Variants in BBOF1 observed in about 807,000 individuals in gnomAD.
BBOF1 encodes the protein basal body orientation factor 1.
Under a neutral mutation model 68.0 loss-of-function variants are expected in BBOF1, and 62 were observed. The observed-to-expected ratio is 0.91, with a 90% confidence interval of 0.74 to 1.13. The LOEUF is 1.13. BBOF1 is among the 50% of genes most tolerant of loss of function. BBOF1 has a pLI of 0.00. For synonymous variants in BBOF1, 208 were observed against 198.8 expected, an observed-to-expected ratio of 1.05 and a Z score of -0.39; for missense variants, 534 against 600.1, an observed-to-expected ratio of 0.89 and a Z score of 1.15.
At chr14:74,049,665 A>AC (rs1566811482) in intron 7 of BBOF1, 37 bp from the exon 8 acceptor site, 1 of 1,502,588 alleles carries the variant, frequency 6.7e-7, no homozygotes, top group Non-Finnish European at 8.9e-7. Flanking sequence ...CCATCTCAAA[A>AC]GAAAAAAAAA....
In BBOF1 at chr14:74,057,231, T is replaced by C. The variant is rs1476086398; in HGVS notation, c.1551T>C (p.Ile517=). 21 of 1,614,022 alleles carry C rather than the reference T, an allele frequency of 1.3e-5. No individual in the cohort carries two copies. The highest frequency in any genetic ancestry group is 1.7e-5 in the Non-Finnish European group (20 of 1,180,000). The change falls in exon 11 of 12, where the codon ATT becomes ATC. Residue 517 remains isoleucine, a synonymous_variant. Transcript: ENST00000394009. ...DSSGEVVLPT[I]PKEPQESDTG... ...CTGGTGAAGTGGTGCTACCCACTAT[T>C]CCAAAAGAACCTCAGGAGTCTGACA... is the stretch of plus-strand genomic sequence containing the variant.
chr14:74,077,018 G>C (rs1029859858), intron 9 of BBOF1, among the ~76,000 whole-genome samples: 1 of 152,210 alleles, frequency 6.6e-6, no homozygotes, highest in Non-Finnish European at 1.5e-5. Flanking sequence ...AAGGGTGCCT[G>C]CAGCACTGCC....
intron 3 of BBOF1, among the ~76,000 whole-genome samples, chr14:74,029,466 G>GAGGTCAGGA (rs985371450): frequency 1.8e-4 from 27 of 152,204 alleles, no homozygotes; most frequent in African/African-American, 6.5e-4. Context: ...CGGATCACCT[G>GAGGTCAGGA]AGGTCAGGAG....
At chr14:74,067,059 T>TA (rs1192349131), downstream of BBOF1, among the ~76,000 whole-genome samples, 2 of 151,752 alleles carry the variant, frequency 1.3e-5, no homozygotes, top group African/African-American at 2.4e-5. Context: ...TTACAAAAAA[T>TA]AAAAAAATTA....
chr14:74,053,205 C>T (rs1446866993), intron 8 of BBOF1, among the ~76,000 whole-genome samples: 3 of 151,560 alleles, frequency 2.0e-5, no homozygotes, highest in African/African-American at 7.3e-5. Context: ...CTCTGACTTC[C>T]GGGTTCAAGC....
At chr14:74,072,443 T>C (rs2060563338) in intron 9 of BBOF1, 1 of 1,613,330 alleles carries the variant, frequency 6.2e-7, no homozygotes, top group African/African-American at 1.3e-5. Flanking sequence ...AGTGGCACTA[T>C]GTGCTTTACA....
chr14:74,037,909 C>A (rs1358807231), intron 4 of BBOF1, among the ~76,000 whole-genome samples: 1 of 150,794 alleles, frequency 6.6e-6, no homozygotes, highest in Non-Finnish European at 1.5e-5. Context: ...GAGCTGAGAT[C>A]GTGCCATTGC....
chr14:74,050,387 G>A lies in BBOF1; in HGVS notation c.1286+192G>A, dbSNP rs190162090. On this transcript the variant is annotated intron_variant, in intron 8 of 11. Transcript: ENST00000394009. ...TAGCATAGCATGTGGGGCTTTGGACGTATTCTTAGTATATTCCCCTCTGTC... is the reference window on the plus strand; with the variant it reads ...TAGCATAGCATGTGGGGCTTTGGACATATTCTTAGTATATTCCCCTCTGTC... Among the ~76,000 whole-genome samples, 212 of 152,214 alleles carry A rather than the reference G, an allele frequency of 1.4e-3. 1 individual carries two copies. Among genetic ancestry groups the A allele is most frequent in the African/African-American group, 4.8e-3 (201 of 41,532 alleles).
At chr14:74,052,070 C>G (rs575434391) in intron 8 of BBOF1, among the ~76,000 whole-genome samples, 1 of 151,932 alleles carries the variant, frequency 6.6e-6, no homozygotes, top group Admixed American at 6.5e-5. Flanking sequence ...AATACTACTA[C>G]TGTTACCAAG....
At chr14:74,026,444 CAAAAAA>C (rs1166375665) in intron 2 of BBOF1, among the ~76,000 whole-genome samples, 23 of 33,080 alleles carry the variant, frequency 7.0e-4, no homozygotes, top group African/African-American at 2.1e-3. Flanking sequence ...AACTCCATCT[CAAAAAA>C]AAAAAAAAAA....
intron 2 of BBOF1, among the ~76,000 whole-genome samples, chr14:74,027,587 A>G (rs1254285672): frequency 6.6e-6 from 1 of 152,022 alleles, no homozygotes; most frequent in Admixed American, 6.6e-5. Context: ...ACCACAAATT[A>G]CTTAATAATC....
At chr14:74,066,620 T>A (rs2060470422), downstream of BBOF1, 1 of 1,328,372 alleles carries the variant, frequency 7.5e-7, no homozygotes, top group Admixed American at 1.7e-5. Context: ...TCATTAAGTA[T>A]TTTCATTAAT....
intron 9 of BBOF1, among the ~76,000 whole-genome samples, chr14:74,077,963 C>T (rs1043230514): frequency 1.1e-4 from 17 of 152,106 alleles, no homozygotes; most frequent in African/African-American, 3.1e-4. Context: ...TTGTAAATAA[C>T]GGCACGGTGA....
At chr14:74,082,407 T>TG (rs2060678502) in intron 12 of BBOF1, among the ~76,000 whole-genome samples, 1 of 141,476 alleles carries the variant, frequency 7.1e-6, no homozygotes, top group Non-Finnish European at 1.5e-5. Flanking sequence ...TTTTTTTTTT[T>TG]TTTTTTTTTT....
In BBOF1 at chr14:74,057,123, G is replaced by C. The variant is rs749097857; in HGVS notation, c.1464-21G>C. ...TGTGTGTAGAGTTGTTGACGGTTCT[G>C]TTATTTTGTCATTATTGCAGGGATG... On this transcript the variant is annotated intron_variant, in intron 10 of 11. Coordinates refer to ENST00000394009, the MANE Select transcript of BBOF1 (RefSeq NM_025057.3). 1.9e-6 allele frequency: 3 copies of C among 1,605,832 alleles called. No individual in the cohort carries two copies. The Admixed American group carries it at 5.1e-5, about 27-fold the overall frequency.
intron 3 of BBOF1, among the ~76,000 whole-genome samples, chr14:74,031,465 A>G (rs904493009): frequency 2.6e-5 from 4 of 152,104 alleles, no homozygotes; most frequent in Admixed American, 2.6e-4. Flanking sequence ...ATCATAGTTT[A>G]TTCAAATGGT....
At position 74,022,905 on chromosome 14, in the gene BBOF1, T is replaced by C; in HGVS notation, c.57-11T>C. 1 of 1,537,322 alleles carries C rather than the reference T, an allele frequency of 6.5e-7. No homozygotes were observed. Among genetic ancestry groups the C allele is most frequent in the Non-Finnish European group, 9.0e-7 (1 of 1,116,034 alleles). ...ATAGTCATATACTGTCAATATCCTCTTCCCATGCAGGAAGTTAATAAAAAC... is the reference window on the plus strand; with the variant it reads ...ATAGTCATATACTGTCAATATCCTCCTCCCATGCAGGAAGTTAATAAAAAC... On this transcript the variant is annotated splice_polypyrimidine_tract_variant and intron_variant, in intron 1 of 11. Coordinates refer to ENST00000394009, the MANE Select transcript of BBOF1 (RefSeq NM_025057.3).
chr14:74,025,731 G>A (rs1443574375), intron 2 of BBOF1, among the ~76,000 whole-genome samples: 1 of 152,130 alleles, frequency 6.6e-6, no homozygotes, highest in East Asian at 1.9e-4. Context: ...CAACAACCAT[G>A]TCAACAAGTC....
chr14:74,072,084 T>A (rs371972299), intron 9 of BBOF1: 2 of 1,568,418 alleles, frequency 1.3e-6, no homozygotes. Flanking sequence ...AGGGAGAGAG[T>A]CATGATCAAC....
Sources: gnomAD v4.1 joint callset for allele counts (sites outside exome capture counted in the v4.1 genomes callset) on GRCh38, gnomAD v4.1.1 for gene constraint, MANE v1.5 for transcripts, NCBI Gene and HGNC (gene_info 2026-07-23, HGNC 2026-07-21) for gene names.